The following PATJ variants were observed in gnomAD, a reference collection of about 807,000 sequenced individuals.
PATJ encodes the protein PATJ crumbs cell polarity complex component.
In PATJ, 190 loss-of-function variants were observed where a neutral mutation model predicts 224.9. The observed-to-expected ratio is 0.84, with a 90% CI of 0.75 to 0.95. The LOEUF (loss-of-function observed/expected upper bound fraction) is 0.95, where lower values mean the gene tolerates loss of function less well. Ranked by LOEUF, PATJ falls within the 40% of genes least tolerant of loss-of-function variation. The pLI, the probability that PATJ is intolerant of heterozygous loss-of-function variation, is 0.00. For synonymous variants in PATJ, 769 were observed against 820.3 expected (o/e 0.94, Z 1.07); for missense variants, 2,121 against 2,270.3 (o/e 0.93, Z 1.34).
At chr1:62,068,799 A>C (rs1656917030) in intron 31 of PATJ, among the ~76,000 whole-genome samples, 1 of 152,230 alleles carries the variant, frequency 6.6e-6, no homozygotes, top group South Asian at 2.1e-4. Flanking sequence ...TTCAGAGCTC[A>C]TAGTGCTGTG....
chr1:62,157,222 G>T (rs1669318311), intron 43 of PATJ, among the ~76,000 whole-genome samples: 1 of 151,816 alleles, frequency 6.6e-6, no homozygotes. Flanking sequence ...TACTCGGGAG[G>T]CTGAGGTGGG....
intron 37 of PATJ, among the ~76,000 whole-genome samples, chr1:62,118,031 GT>G (rs1432160897): frequency 2.6e-5 from 4 of 152,126 alleles, no homozygotes; most frequent in Non-Finnish European, 5.9e-5. Context: ...TTAGCACACA[GT>G]TACTTCTGGA....
chr1:62,100,263 A>G, intron 33 of PATJ: 1 of 658,988 alleles, frequency 1.5e-6, no homozygotes, highest in Non-Finnish European at 2.8e-6. Flanking sequence ...TGCTGCTATA[A>G]CAGAATATCT....
chr1:61,856,175 C>G lies in PATJ; in HGVS notation c.2258C>G (p.Ala753Gly). ...YCLDNTSLAE[A>G]VEILKAVPPG... ...TTGGACAACACCTCACTTGCTGAAG[C>G]TGTGGAAATATTGAAAGCTGTGCCA... Residue 753 changes from alanine to glycine, a missense_variant, in exon 18 of 44, where the codon GCT becomes GGT. Physicochemically the swap from Ala to Gly is moderately conservative, Grantham distance 60 (BLOSUM62 0). Coordinates refer to ENST00000642238, the MANE Select transcript of PATJ (RefSeq NM_001350145.3). 1 of 1,614,174 alleles carries G rather than the reference C, an allele frequency of 6.2e-7. No individual in the cohort carries two copies. Among genetic ancestry groups the G allele is most frequent in the Non-Finnish European group, 8.5e-7 (1 of 1,179,998 alleles).
intron 21 of PATJ, 65 bp from the exon 22 acceptor site, chr1:61,884,172 T>C: frequency 7.8e-7 from 1 of 1,286,262 alleles, no homozygotes; most frequent in Non-Finnish European, 1.1e-6. Context: ...CCATACCTAG[T>C]TGTTGAATGA....
intron 20 of PATJ, among the ~76,000 whole-genome samples, chr1:61,874,129 G>T (rs1667033075): frequency 1.3e-5 from 2 of 152,058 alleles, no homozygotes; most frequent in African/African-American, 4.8e-5. Context: ...CTTTAGCTGT[G>T]TCCTCACAGG....
intron 17 of PATJ, among the ~76,000 whole-genome samples, chr1:61,850,349 A>G (rs915596034): frequency 6.6e-6 from 1 of 152,204 alleles, no homozygotes; most frequent in African/African-American, 2.4e-5. Flanking sequence ...TGATTATCAC[A>G]TGTTTGAATC....
At chr1:62,019,320 G>A (rs183172945) in intron 29 of PATJ, among the ~76,000 whole-genome samples, 16 of 150,366 alleles carry the variant, frequency 1.1e-4, no homozygotes, top group African/African-American at 3.7e-4. Flanking sequence ...TCAGGAGTGC[G>A]AGACCAGCCT....
In PATJ at chr1:61,990,384, A is replaced by G; in HGVS notation, c.3867+20A>G. 6.3e-7 allele frequency: 1 copy of G among 1,583,134 alleles called. No homozygotes were observed. Among genetic ancestry groups the G allele is most frequent in the South Asian group, 1.2e-5 (1 of 86,104 alleles). ...TTAGAGGTGAGAAGCATGTGTTTTT[A>G]ACTTATCTTTTGGTGAAGTGGATGG... On this transcript the variant is annotated intron_variant, in intron 28 of 43. Coordinates refer to ENST00000642238, the MANE Select transcript of PATJ (RefSeq NM_001350145.3).
intron 21 of PATJ, among the ~76,000 whole-genome samples, chr1:61,882,853 C>A (rs1221137640): frequency 1.3e-5 from 2 of 152,178 alleles, no homozygotes; most frequent in Non-Finnish European, 2.9e-5. Context: ...GGCATGAGCA[C>A]CTGCGCCTGG....
Position 61,801,526 on chromosome 1 carries a change from C to T in PATJ, c.1403-97C>T, listed in dbSNP as rs374332487. 3.7e-5 allele frequency: 22 copies of T among 591,504 alleles called. No individual in the cohort carries two copies. The South Asian group carries it at 1.1e-3, about 30-fold the overall frequency. 36.6% of individuals were successfully genotyped at this position (591,504 alleles called of 1,614,324 possible). A position where few individuals can be genotyped will look rare whatever the true frequency, so the allele number is the denominator to read the frequency against. ...TTGTGAAATGGGAGAAATGGGAGAA[C>T]AGCAGTAAAATCTGCTCACTTAAAT... On this transcript the variant is annotated intron_variant, in intron 11 of 43. Coordinates refer to ENST00000642238, the MANE Select transcript of PATJ (RefSeq NM_001350145.3).
chr1:61,896,286 A>G (rs1057357649), intron 22 of PATJ, among the ~76,000 whole-genome samples: 2 of 109,288 alleles, frequency 1.8e-5, no homozygotes, highest in African/African-American at 3.0e-5. Flanking sequence ...ACAGAGGGAG[A>G]CTCCATCTCA....
intron 29 of PATJ, among the ~76,000 whole-genome samples, chr1:62,029,546 T>G (rs1028232393): frequency 1.3e-5 from 2 of 152,212 alleles, no homozygotes; most frequent in African/African-American, 4.8e-5. Context: ...GTTACACCTT[T>G]GAGGGATAAA....
intron 41 of PATJ, among the ~76,000 whole-genome samples, chr1:62,137,513 G>A (rs80084023): frequency 9.6e-5 from 2 of 20,912 alleles, no homozygotes; most frequent in African/African-American, 2.7e-4. Context: ...CACAGAGTGA[G>A]GGGGCACAGC....
At chr1:62,112,938 G>A (rs1664026537) in intron 34 of PATJ, among the ~76,000 whole-genome samples, 1 of 152,172 alleles carries the variant, frequency 6.6e-6, no homozygotes, top group Admixed American at 6.5e-5. Flanking sequence ...TGCTAGCTGT[G>A]TAACCTGGGT....
At chr1:61,986,484 A>T (rs1455492141) in intron 27 of PATJ, among the ~76,000 whole-genome samples, 4 of 152,104 alleles carry the variant, frequency 2.6e-5, no homozygotes, top group Non-Finnish European at 5.9e-5. Context: ...GCAGTAGTAC[A>T]GTCATGGCTC....
At chr1:62,027,535 C>A (rs1421237732) in intron 29 of PATJ, among the ~76,000 whole-genome samples, 1 of 151,954 alleles carries the variant, frequency 6.6e-6, no homozygotes, top group East Asian at 1.9e-4. Context: ...TTCTGAGGAA[C>A]CTCCATACTG....
intron 16 of PATJ, among the ~76,000 whole-genome samples, chr1:61,827,968 CGGGCGCG>C (rs1010988308): frequency 2.6e-5 from 4 of 152,080 alleles, no homozygotes; most frequent in Admixed American, 2.0e-4. Context: ...GAAACTCAGC[CGGGCGCG>C]GTGGCTCACA....
At chr1:61,814,130 C>CTTTTTTTTTTTTTTTT (rs762502160) in intron 14 of PATJ, among the ~76,000 whole-genome samples, 4 of 85,900 alleles carry the variant, frequency 4.7e-5, no homozygotes, top group African/African-American at 1.4e-4. Context: ...TTATTCTCTT[C>CTTTTTTTTTTTTTTTT]TTTTTTTTTT....
Sources: gnomAD v4.1 joint callset for allele counts (sites outside exome capture counted in the v4.1 genomes callset) on GRCh38, gnomAD v4.1.1 for gene constraint, MANE v1.5 for transcripts, NCBI Gene and HGNC (gene_info 2026-07-23, HGNC 2026-07-21) for gene names.